Variants in EML6 observed in about 807,000 individuals in gnomAD.
EML6 encodes the protein EMAP like 6, also known as echinoderm microtubule-associated protein-like 6.
Under a neutral mutation model 240.1 loss-of-function variants are expected in EML6, and 154 were observed. The ratio of observed to expected loss-of-function variants is 0.64; its 90% CI spans 0.56 to 0.73. The LOEUF is 0.73. Ranked by LOEUF, EML6 falls within the 30% of genes least tolerant of loss-of-function variation. EML6 has a pLI of 0.00. For missense variants in EML6, 2,964 were observed against 2,474.6 expected, an observed-to-expected ratio of 1.20 and a Z score of -4.20; for synonymous variants, 1,148 against 899.0, an observed-to-expected ratio of 1.28 and a Z score of -4.95.
chr2:54,846,671 A>G (rs371805700), intron 8 of EML6, among the ~76,000 whole-genome samples: 32 of 152,020 alleles, frequency 2.1e-4, no homozygotes, highest in African/African-American at 7.0e-4. Flanking sequence ...TTTTTTAGAG[A>G]TGGAGTCTCA....
chr2:54,862,719 CT>C (rs1371771163), intron 12 of EML6, among the ~76,000 whole-genome samples: 2 of 152,104 alleles, frequency 1.3e-5, no homozygotes, highest in Non-Finnish European at 2.9e-5. Context: ...CAAGAAACAT[CT>C]TAAATGATCA....
intron 2 of EML6, among the ~76,000 whole-genome samples, chr2:54,785,426 C>T (rs1025662197): frequency 2.0e-5 from 3 of 152,026 alleles, no homozygotes; most frequent in Non-Finnish European, 2.9e-5. Flanking sequence ...CCTCCCACCT[C>T]GGCCTCCCAG....
chr2:54,956,083 C>T (rs998637933), intron 32 of EML6, among the ~76,000 whole-genome samples: 8 of 151,838 alleles, frequency 5.3e-5, no homozygotes, highest in African/African-American at 1.9e-4. Flanking sequence ...ACATAAAATC[C>T]ATGTCGTCAG....
At chr2:54,752,797 C>T (rs1438354838) in intron 2 of EML6, among the ~76,000 whole-genome samples, 2 of 151,870 alleles carry the variant, frequency 1.3e-5, no homozygotes, top group East Asian at 3.9e-4. Context: ...TCTTTTTAAA[C>T]CTTTTTTTTG....
intron 32 of EML6, among the ~76,000 whole-genome samples, chr2:54,954,650 A>G (rs569034234): frequency 8.5e-5 from 13 of 152,286 alleles, no homozygotes; most frequent in Admixed American, 7.8e-4. Flanking sequence ...GATTTATCTT[A>G]CAATCCAGGT....
rs938696768 is a variant in EML6 at position 54,956,175 on chromosome 2, C to T, written c.4487-1615C>T. On this transcript the variant is annotated intron_variant, in intron 32 of 41. Coordinates refer to ENST00000356458, the MANE Select transcript of EML6 (RefSeq NM_001039753.4). The stretch of plus-strand genomic sequence containing the variant: ...ATACAGGTGTCTCCACAATTAGAAG[C>T]GTCCATGAAATTAAAACAAGGAAAA... 9.2e-5 allele frequency among the ~76,000 whole-genome samples: 14 copies of T among 152,258 alleles called. No homozygotes were observed. In the South Asian group the frequency reaches 1.7e-3, roughly 18 times the overall value.
At position 54,869,358 on chromosome 2, in the gene EML6, T is replaced by C; in HGVS notation, c.2229T>C (p.Ala743=). The part of the protein sequence containing the change: ...LTIHPVKDYV[A]TGQVGRDAAI... ...TCCATCCAGTGAAGGACTATGTGGC[T>C]ACTGGGCAGGTATCTATCTCCTGTA... Residue 743 remains alanine, a synonymous_variant, in exon 15 of 42, where the codon GCT becomes GCC. Coordinates refer to ENST00000356458, the MANE Select transcript of EML6 (RefSeq NM_001039753.4). The C allele has an allele frequency of 6.5e-7, 1 of 1,549,714 alleles. No individual in the cohort carries two copies.
intron 28 of EML6, among the ~76,000 whole-genome samples, chr2:54,938,870 T>C (rs1379293100): frequency 6.6e-6 from 1 of 152,198 alleles, no homozygotes; most frequent in Non-Finnish European, 1.5e-5. Flanking sequence ...TTCCGTATTA[T>C]CTCATTTCTG....
intron 11 of EML6, among the ~76,000 whole-genome samples, chr2:54,856,834 T>C (rs1382630441): frequency 6.6e-6 from 1 of 152,160 alleles, no homozygotes; most frequent in Non-Finnish European, 1.5e-5. Context: ...TGTTTTGATA[T>C]TTTGTGGAAT....
chr2:54,734,485 G>T (rs911242566), intron 2 of EML6, among the ~76,000 whole-genome samples: 3 of 152,228 alleles, frequency 2.0e-5, no homozygotes, highest in Admixed American at 2.0e-4. Flanking sequence ...GCCCACTGGG[G>T]TGCCAGTGCT....
chr2:54,729,055 G>A (rs142668467), intron 2 of EML6, among the ~76,000 whole-genome samples: 21 of 152,290 alleles, frequency 1.4e-4, no homozygotes, highest in Non-Finnish European at 1.8e-4. Context: ...ACCAGCTGGC[G>A]ACTTTAATAA....
chr2:54,878,869 G>C (rs1321195240), intron 16 of EML6, among the ~76,000 whole-genome samples: 1 of 152,148 alleles, frequency 6.6e-6, no homozygotes, highest in Admixed American at 6.5e-5. Flanking sequence ...AAGCACATTT[G>C]TGTAAAGATT....
intron 7 of EML6, among the ~76,000 whole-genome samples, chr2:54,841,767 A>G (rs955343274): frequency 7.9e-5 from 12 of 151,532 alleles, no homozygotes; most frequent in Non-Finnish European, 1.8e-4. Flanking sequence ...TAATTTTTCT[A>G]TTTTTAGTAG....
chr2:54,737,399 A>C (rs1572839502), intron 2 of EML6, among the ~76,000 whole-genome samples: 1 of 152,108 alleles, frequency 6.6e-6, no homozygotes, highest in Non-Finnish European at 1.5e-5. Context: ...CCCGGGTTCA[A>C]GCGATTCTTC....
rs1460720060 is a variant in EML6, at chr2:54,970,229, C to T, written c.*134C>T. 22 of 853,118 alleles carry T rather than the reference C, an allele frequency of 2.6e-5. No homozygotes were observed. Among genetic ancestry groups the T allele is most frequent in the South Asian group, 1.0e-4 (7 of 68,758 alleles). The allele number at this position is 853,118 out of a possible 1,614,324, so 52.8% of individuals were successfully genotyped here. On this transcript the variant is annotated 3_prime_UTR_variant, in exon 42 of 42. Transcript: ENST00000356458. ...CTGCCCCGGATGCACAAGCTCAAAA[C>T]GCTGCAGAAGTTACACAACTGCTCC...
At chr2:54,903,584 A>T in intron 24 of EML6, 82 bp downstream of exon 24, 306 of 794,538 alleles carry the variant, frequency 3.9e-4, no homozygotes, top group East Asian at 5.0e-4. Flanking sequence ...AGAGAATGGC[A>T]GTTGAGTGTT....
chr2:54,927,099 A>G (rs957994985), intron 26 of EML6, among the ~76,000 whole-genome samples: 5 of 152,080 alleles, frequency 3.3e-5, no homozygotes, highest in Non-Finnish European at 7.4e-5. Flanking sequence ...TTTTTCTTGG[A>G]AATTCTTTTG....
In EML6 at chr2:54,842,383, T is replaced by C. The variant is rs565843260; in HGVS notation, c.848-1664T>C. Among the ~76,000 whole-genome samples, 20 of 152,368 alleles carry C rather than the reference T, an allele frequency of 1.3e-4. No homozygotes were observed. The South Asian group carries it at 2.9e-3, about 22-fold the overall frequency. On this transcript the variant is annotated intron_variant, in intron 7 of 41. Coordinates refer to ENST00000356458, the MANE Select transcript of EML6 (RefSeq NM_001039753.4). ...CTTAGTCAAATACTTCAAAGTATTA[T>C]GTAAATTTAGTTTTAGAGCCTCTTA...
In EML6 at chr2:54,957,859, A is replaced by C; in HGVS notation, c.4556A>C (p.Asp1519Ala). ...GTGGTGGAATTTCGCCCCGACTCAGACACGCAGTTTGTATCTGTCGGGGTC... is the reference window on the plus strand; with the variant it reads ...GTGGTGGAATTTCGCCCCGACTCAGCCACGCAGTTTGTATCTGTCGGGGTC... Reference protein sequence around the residue: ...IFVVEFRPDSDTQFVSVGVKH... With the variant: ...IFVVEFRPDSATQFVSVGVKH... Residue 1519 changes from aspartate to alanine, a missense_variant, in exon 33 of 42, where the codon GAC becomes GCC. Asp to Ala is a moderately radical substitution (Grantham distance 126). Coordinates refer to ENST00000356458, the MANE Select transcript of EML6 (RefSeq NM_001039753.4). 6.4e-7 allele frequency: 1 copy of C among 1,551,214 alleles called. No homozygotes were observed. The highest frequency in any genetic ancestry group is 8.7e-7 in the Non-Finnish European group (1 of 1,147,006).
Sources: gnomAD v4.1 joint callset for allele counts (sites outside exome capture counted in the v4.1 genomes callset) on GRCh38, gnomAD v4.1.1 for gene constraint, MANE v1.5 for transcripts, NCBI Gene and HGNC (gene_info 2026-07-23, HGNC 2026-07-21) for gene names.